The following SPATA31F1 variants were observed in gnomAD, a reference collection of about 807,000 sequenced individuals.
The protein encoded by SPATA31F1 is protein SPATA31F1.
At chr9:34,726,551 G>T in the SPATA31F1 span, 1 of 1,551,892 alleles carries the variant, frequency 6.4e-7, no homozygotes, top group South Asian at 1.2e-5. Context: ...GTTCAGTGGA[G>T]CCCTTGGCTT....
the SPATA31F1 span, chr9:34,724,939 C>T: frequency 5.8e-6 from 9 of 1,551,336 alleles, no homozygotes; most frequent in Non-Finnish European, 7.8e-6. Flanking sequence ...CAATGGCTTC[C>T]ACAGACAAGA....
the SPATA31F1 span, chr9:34,726,635 A>T: frequency 1.9e-6 from 3 of 1,551,446 alleles, no homozygotes; most frequent in African/African-American, 4.1e-5. Flanking sequence ...CCCTAGCTGG[A>T]GGTGATCAGC....
chr9:34,724,516 A>G, the SPATA31F1 span: 2 of 1,551,208 alleles, frequency 1.3e-6, no homozygotes, highest in African/African-American at 2.7e-5. Flanking sequence ...TCCTTGCCCT[A>G]ATGGGAATTC....
At chr9:34,723,633 T>G in the SPATA31F1 span, 6 of 1,551,630 alleles carry the variant, frequency 3.9e-6, no homozygotes, top group African/African-American at 1.4e-5. Context: ...AGGCTGGGCT[T>G]CTTTTGAGCA....
chr9:34,723,417 C>G, the SPATA31F1 span: 1 of 1,551,628 alleles, frequency 6.4e-7, no homozygotes, highest in Non-Finnish European at 8.7e-7. Context: ...CGAGATTGGG[C>G]CTTGGAGCAC....
At chr9:34,728,666 A>G in the SPATA31F1 span, 1 of 1,551,438 alleles carries the variant, frequency 6.4e-7, no homozygotes, top group Non-Finnish European at 8.7e-7. Flanking sequence ...TTAGAAGACA[A>G]AAACATTAGA....
chr9:34,723,404 G>C, the SPATA31F1 span: 2 of 1,551,746 alleles, frequency 1.3e-6, no homozygotes, highest in Non-Finnish European at 8.7e-7. Context: ...CTTCTGAGCA[G>C]GACGAGATTG....
the SPATA31F1 span, chr9:34,728,075 T>C: frequency 6.4e-7 from 1 of 1,551,916 alleles, no homozygotes. Context: ...CCCGGGAACG[T>C]CTCCTAGCTG....
At chr9:34,723,341 C>G in the SPATA31F1 span, 1 of 1,551,504 alleles carries the variant, frequency 6.4e-7, no homozygotes, top group Admixed American at 2.0e-5. Flanking sequence ...GGAGTGTAGC[C>G]GGAGCTTATC....
chr9:34,725,663 A>C, the SPATA31F1 span: 1 of 1,536,494 alleles, frequency 6.5e-7, no homozygotes, highest in Non-Finnish European at 8.8e-7. Flanking sequence ...CCTCTGTAGC[A>C]GGTGCCACTC....
chr9:34,723,769 A>G, the SPATA31F1 span: 1 of 1,551,732 alleles, frequency 6.4e-7, no homozygotes, highest in Non-Finnish European at 8.7e-7. Context: ...CAGTCTGGGC[A>G]TTCTCAGGAA....
chr9:34,725,806 T>C, the SPATA31F1 span: 7 of 1,548,862 alleles, frequency 4.5e-6, no homozygotes, highest in South Asian at 2.4e-5. Flanking sequence ...TAGGGAGCAG[T>C]TGGGGGAAGG....
chr9:34,724,200 C>T, the SPATA31F1 span: 3 of 1,551,420 alleles, frequency 1.9e-6, no homozygotes, highest in Non-Finnish European at 2.6e-6. Context: ...TTCACATTGG[C>T]CTCTACCTGA....
chr9:34,726,625 C>A, the SPATA31F1 span: 8 of 1,551,696 alleles, frequency 5.2e-6, no homozygotes, highest in Non-Finnish European at 7.0e-6. Flanking sequence ...GAAATTCCTG[C>A]CCTAGCTGGA....
the SPATA31F1 span, chr9:34,724,883 G>A: frequency 1.6e-5 from 25 of 1,549,072 alleles, no homozygotes; most frequent in South Asian, 2.4e-5. Flanking sequence ...AGGCAGCCCC[G>A]ACAGGAAGGC....
the SPATA31F1 span, chr9:34,728,072 A>G: frequency 1.3e-6 from 2 of 1,551,964 alleles, no homozygotes; most frequent in South Asian, 1.2e-5. Flanking sequence ...CTTCCCGGGA[A>G]CGTCTCCTAG....
chr9:34,724,194 C>T, the SPATA31F1 span: 1 of 1,551,456 alleles, frequency 6.4e-7, no homozygotes, highest in South Asian at 1.2e-5. Flanking sequence ...GGTTTGTTCA[C>T]ATTGGCCTCT....
the SPATA31F1 span, chr9:34,723,296 G>C: frequency 6.4e-7 from 1 of 1,551,694 alleles, no homozygotes; most frequent in Middle Eastern, 1.7e-4. Flanking sequence ...GCAGTGGCGG[G>C]GGTAGCCCAG....
the SPATA31F1 span, chr9:34,723,838 A>G: frequency 2.6e-6 from 4 of 1,551,690 alleles, no homozygotes; most frequent in Non-Finnish European, 3.5e-6. Context: ...GGTCCTTCTC[A>G]GACTCTTTCT....
Sources: allele counts gnomAD v4.1 joint callset, GRCh38; gene constraint gnomAD v4.1.1; transcripts MANE v1.5; gene names NCBI Gene and HGNC (gene_info 2026-07-23, HGNC 2026-07-21).